Variants in HDX observed in about 807,000 individuals in gnomAD.
The protein encoded by HDX is chromosome X open reading frame 43.
In HDX, 19 loss-of-function variants were observed where a neutral mutation model predicts 45.2. The ratio of observed to expected loss-of-function variants is 0.42; its 90% CI spans 0.29 to 0.62. HDX has a LOEUF of 0.62. Ranked by LOEUF, HDX falls within the 20% of genes least tolerant of loss-of-function variation. HDX has a pLI of 0.20. For missense variants in HDX, 532 were observed against 493.9 expected (o/e 1.08, Z -0.73); for synonymous variants, 188 against 172.8 (o/e 1.09, Z -0.69).
chrX:84,383,934 C>G (rs2038248527), intron 5 of HDX, among the ~76,000 whole-genome samples: 1 of 111,255 alleles, frequency 9.0e-6, no homozygotes, highest in South Asian at 3.8e-4. Flanking sequence ...ATGACATTTT[C>G]TTTATCTAGT....
intron 5 of HDX, among the ~76,000 whole-genome samples, chrX:84,365,198 C>G (rs891867307): frequency 1.0e-4 from 11 of 110,423 alleles, no homozygotes; most frequent in Non-Finnish European, 2.1e-4. Context: ...AAATTGTGCT[C>G]CATCATCTGG....
At chrX:84,412,431 C>T (rs953656323) in intron 5 of HDX, among the ~76,000 whole-genome samples, 1 of 111,081 alleles carries the variant, frequency 9.0e-6, no homozygotes, top group Non-Finnish European at 1.9e-5. Context: ...CCTAGTTTGG[C>T]TGGATATGAA....
intron 5 of HDX, among the ~76,000 whole-genome samples, chrX:84,383,892 T>A (rs1173871964): frequency 1.8e-5 from 2 of 111,802 alleles, no homozygotes; most frequent in Non-Finnish European, 3.8e-5. Context: ...TGTTCCCTTT[T>A]ATGCCTCCAT....
At chrX:84,330,920 C>T (rs1224453754) in intron 9 of HDX, among the ~76,000 whole-genome samples, 4 of 111,952 alleles carry the variant, frequency 3.6e-5, no homozygotes, top group African/African-American at 1.3e-4. Context: ...TAAATCAATG[C>T]TTGTGAGAGG....
intron 5 of HDX, among the ~76,000 whole-genome samples, chrX:84,415,039 A>T (rs1025780391): frequency 4.5e-5 from 5 of 112,357 alleles, no homozygotes; most frequent in African/African-American, 1.6e-4. Context: ...AACAAATTCT[A>T]TTGAAATTTC....
chrX:84,357,917 T>C (rs1411971729), intron 6 of HDX, among the ~76,000 whole-genome samples: 1 of 111,880 alleles, frequency 8.9e-6, no homozygotes, highest in Non-Finnish European at 1.9e-5. Context: ...TGAACAGCCT[T>C]TGCCCCTTAT....
chrX:84,352,425 T>C (rs1440196536), intron 6 of HDX, among the ~76,000 whole-genome samples: 8 of 112,250 alleles, frequency 7.1e-5, no homozygotes, highest in Non-Finnish European at 1.3e-4. Context: ...ATTTCTTTCA[T>C]AGGAGAAATA....
At position 84,469,202 on chromosome X, in the gene HDX, A is replaced by T; in HGVS notation, c.521T>A (p.Ile174Asn). Residue 174 changes from isoleucine (I) to asparagine (N), a missense_variant, in exon 4 of 11, where the codon ATT (isoleucine) becomes AAT (asparagine). Coordinates refer to ENST00000373177, the MANE Select transcript of HDX (RefSeq NM_001177479.2). The stretch of plus-strand genomic sequence containing the variant: ...CACACTTGTCTGTCTTGACAAAATA[A>T]TTGTTTTTTCACCTAGGAGTAGGGA... The part of the protein sequence containing the change: ...NASLLLGEKT[I>N]ILSRQTSVLN... 8.3e-7 allele frequency: 1 copy of T among 1,211,146 alleles called. No individual in the cohort carries two copies. The highest frequency in any genetic ancestry group is 1.1e-6 in the Non-Finnish European group (1 of 895,142).
At chrX:84,331,837 G>A (rs1335296083) in intron 9 of HDX, among the ~76,000 whole-genome samples, 1 of 111,497 alleles carries the variant, frequency 9.0e-6, no homozygotes, top group Non-Finnish European at 1.9e-5. Flanking sequence ...AGAAGCAATA[G>A]GCTATACCAT....
chrX:84,361,922 A>G (rs1012244389), intron 5 of HDX, among the ~76,000 whole-genome samples: 1 of 112,042 alleles, frequency 8.9e-6, no homozygotes, highest in African/African-American at 3.2e-5. Flanking sequence ...AAGATAATTT[A>G]AATCACTTAC....
At chrX:84,428,036 A>C (rs2148028213) in intron 5 of HDX, among the ~76,000 whole-genome samples, 1 of 110,801 alleles carries the variant, frequency 9.0e-6, no homozygotes, top group African/African-American at 3.3e-5. Context: ...GCTTATGATT[A>C]ATGGTATTAA....
At chrX:84,362,065 A>G (rs1176754102) in intron 5 of HDX, among the ~76,000 whole-genome samples, 1 of 111,562 alleles carries the variant, frequency 9.0e-6, no homozygotes, top group East Asian at 2.8e-4. Context: ...TTGCCTTTTG[A>G]TAAGTTAATC....
At chrX:84,341,227 T>A (rs1214463859) in intron 7 of HDX, among the ~76,000 whole-genome samples, 1 of 110,961 alleles carries the variant, frequency 9.0e-6, no homozygotes, top group Non-Finnish European at 1.9e-5. Context: ...TCACTGGGAA[T>A]ATCCAAGTAT....
In HDX at chrX:84,323,152, T is replaced by C. The variant is rs2036633266; in HGVS notation, c.1948-1138A>G. 4.5e-5 allele frequency among the ~76,000 whole-genome samples: 5 copies of C among 111,395 alleles called. No homozygotes were observed. The South Asian group carries it at 1.9e-3, about 41-fold the overall frequency. On this transcript the variant is annotated intron_variant, in intron 10 of 10. Transcript: ENST00000373177. ...TTTATCAGGCTATGTAAGGGAAGAC[T>C]AACCCCTATCTGGCAGACTAGCTGT...
intron 5 of HDX, among the ~76,000 whole-genome samples, chrX:84,398,783 G>A (rs910108393): frequency 1.8e-5 from 2 of 111,896 alleles, no homozygotes; most frequent in South Asian, 7.5e-4. Context: ...AGTGCCACAT[G>A]GCACTTATTC....
chrX:84,432,978 T>A (rs1834178897), intron 5 of HDX, among the ~76,000 whole-genome samples: 1 of 111,296 alleles, frequency 9.0e-6, no homozygotes, highest in Non-Finnish European at 1.9e-5. Context: ...TTTTTTGTCT[T>A]CTTTGAGAAA....
At position 84,390,340 on chromosome X, in the gene HDX, AAATTTTTAAGAGTG is replaced by A. The variant is rs1257914369; in HGVS notation, c.1306-28742_1306-28729del. On this transcript the variant is annotated intron_variant, in intron 5 of 10. Transcript: ENST00000373177. ...AATAACTAAATTTATTTTTACTAGT[AAATTTTTAAGAGTG>A]AATTTCTGTTTTCAATATTGTAGCT... Among the ~76,000 whole-genome samples the A allele has an allele frequency of 4.5e-5, 5 of 112,075 alleles. No homozygotes were observed. The South Asian group carries it at 1.5e-3, about 33-fold the overall frequency.
At chrX:84,326,871 G>A (rs368411588) in intron 9 of HDX, among the ~76,000 whole-genome samples, 2 of 106,478 alleles carry the variant, frequency 1.9e-5, no homozygotes, top group Admixed American at 1.0e-4. Flanking sequence ...AGCAGAGATC[G>A]CACTGCTGCA....
chrX:84,394,142 T>G (rs1441969421), intron 5 of HDX, among the ~76,000 whole-genome samples: 2 of 111,531 alleles, frequency 1.8e-5, no homozygotes, highest in Non-Finnish European at 3.8e-5. Context: ...TGCTATAAAC[T>G]TCCCTCTTAG....
Sources: allele counts gnomAD v4.1 joint callset (sites outside exome capture counted in the v4.1 genomes callset), GRCh38; gene constraint gnomAD v4.1.1; transcripts MANE v1.5; gene names NCBI Gene and HGNC (gene_info 2026-07-23, HGNC 2026-07-21).